The following UTP18 variants were observed in gnomAD, a reference collection of about 807,000 sequenced individuals.
UTP18 encodes the protein U3 small nucleolar RNA-associated protein 18 homolog.
A neutral mutation model predicts 61.1 loss-of-function variants in UTP18; 36 were observed. The ratio of observed to expected loss-of-function variants is 0.59; its 90% confidence interval spans 0.45 to 0.78. The LOEUF is 0.78. UTP18 is among the 30% of genes least tolerant of loss of function. The pLI, the probability that UTP18 is intolerant of heterozygous loss-of-function variation, is 0.00. For missense variants in UTP18, 753 were observed against 693.9 expected, an observed-to-expected ratio of 1.09 and a Z score of -0.96; for synonymous variants, 282 against 251.1, an observed-to-expected ratio of 1.12 and a Z score of -1.16.
In UTP18 at chr17:51,285,375, A is replaced by C; in HGVS notation, c.1328+7A>C. On this transcript the variant is annotated splice_region_variant and intron_variant, in intron 10 of 13. Transcript: ENST00000225298. ...GACAGTATGTTGCTTGTGGGTAAGT[A>C]AAGAGAGGTTCTTGTAACCTTAATC... 1 of 1,612,028 alleles carries C rather than the reference A, an allele frequency of 6.2e-7. No individual in the cohort carries two copies. The highest frequency in any genetic ancestry group is 8.5e-7 in the Non-Finnish European group (1 of 1,178,468).
At chr17:51,263,408 C>G (rs1322942112) in intron 2 of UTP18, 22 bp downstream of exon 2, 1 of 1,553,434 alleles carries the variant, frequency 6.4e-7, no homozygotes, top group Non-Finnish European at 8.9e-7. Flanking sequence ...AACTTTTCTT[C>G]TGAATCCCTC....
intron 7 of UTP18, 103 bp from the exon 8 acceptor site, chr17:51,279,902 C>A: frequency 2.1e-6 from 2 of 934,984 alleles, no homozygotes; most frequent in Non-Finnish European, 1.6e-6. Flanking sequence ...TTAATTTGAG[C>A]CACTTACGTA....
intron 10 of UTP18, 142 bp from the exon 11 acceptor site, chr17:51,287,887 T>TATAGGAG (rs1166100430): frequency 1.9e-6 from 1 of 528,760 alleles, no homozygotes; most frequent in African/African-American, 2.0e-5. Flanking sequence ...ATAGGACATC[T>TATAGGAG]GTGGCTATAG....
chr17:51,286,707 C>G (rs1905126619), intron 10 of UTP18, among the ~76,000 whole-genome samples: 1 of 152,190 alleles, frequency 6.6e-6, no homozygotes, highest in South Asian at 2.1e-4. Context: ...CATCTCAGCA[C>G]AAGCCAAGCA....
intron 3 of UTP18, among the ~76,000 whole-genome samples, chr17:51,267,321 A>G (rs997606222): frequency 6.6e-6 from 1 of 152,200 alleles, no homozygotes; most frequent in African/African-American, 2.4e-5. Context: ...ACATTCTGAC[A>G]TTTTAAGACT....
chr17:51,273,302 T>C, intron 4 of UTP18, 60 bp from the exon 5 acceptor site: 1 of 1,255,184 alleles, frequency 8.0e-7, no homozygotes, highest in South Asian at 1.6e-5. Flanking sequence ...AAGTTTGGGG[T>C]AGGTAAAAGG....
At chr17:51,261,236 A>G (rs984589560) in intron 1 of UTP18, among the ~76,000 whole-genome samples, 2 of 152,170 alleles carry the variant, frequency 1.3e-5, no homozygotes, top group South Asian at 4.1e-4. Flanking sequence ...GCCTCTTCCC[A>G]AACTGAGGGT....
intron 9 of UTP18, among the ~76,000 whole-genome samples, chr17:51,282,463 TGAA>T (rs764319424): frequency 5.8e-5 from 8 of 137,818 alleles, no homozygotes; most frequent in Middle Eastern, 7.1e-3. Context: ...AAGAAGAAAA[TGAA>T]GAGAAAGAGG....
At chr17:51,267,798 A>G (rs1422072774) in intron 3 of UTP18, among the ~76,000 whole-genome samples, 5 of 152,048 alleles carry the variant, frequency 3.3e-5, no homozygotes, top group African/African-American at 7.2e-5. Flanking sequence ...GATGGGGTTC[A>G]TCTTGCTTAT....
In UTP18 at chr17:51,285,261, T is replaced by C. The variant is rs1281719455; in HGVS notation, c.1221T>C (p.Tyr407=). 6.2e-7 allele frequency: 1 copy of C among 1,613,578 alleles called. No homozygotes were observed. Among genetic ancestry groups the C allele is most frequent in the Non-Finnish European group, 8.5e-7 (1 of 1,179,874 alleles). Residue 407 remains tyrosine, a synonymous_variant, in exon 10 of 14, where the codon TAT becomes TAC. Transcript: ENST00000225298. The part of the protein sequence containing the change: ...VYASSGDGEV[Y]VWDVNSRKCL... The stretch of plus-strand genomic sequence containing the variant: ...TTTATGCAGGGGATGGAGAAGTTTA[T>C]GTTTGGGATGTGAACTCAAGGAAGT...
intron 4 of UTP18, among the ~76,000 whole-genome samples, chr17:51,271,899 C>T (rs1904543157): frequency 6.6e-6 from 1 of 151,994 alleles, no homozygotes; most frequent in Admixed American, 6.6e-5. Context: ...AACTCCTGAC[C>T]TCAAGTGATC....
chr17:51,261,614 C>T (rs905578981), intron 1 of UTP18, among the ~76,000 whole-genome samples: 1 of 152,084 alleles, frequency 6.6e-6, no homozygotes, highest in Non-Finnish European at 1.5e-5. Context: ...CCTTTTGGCG[C>T]TTGTGTGCTA....
intron 5 of UTP18, among the ~76,000 whole-genome samples, chr17:51,273,771 A>AAATAAATAAATAAATTAATT (rs1263393227): frequency 6.6e-6 from 1 of 150,418 alleles, no homozygotes; most frequent in African/African-American, 2.5e-5. Context: ...ATAAATAAAT[A>AAATAAATAAATAAATTAATT]AATTTTCCAG....
chr17:51,295,427 GT>G (rs1262814862), intron 12 of UTP18, among the ~76,000 whole-genome samples: 3 of 152,150 alleles, frequency 2.0e-5, no homozygotes, highest in African/African-American at 7.2e-5. Context: ...TGGCTAGCCA[GT>G]TTTCCCAGCA....
intron 9 of UTP18, among the ~76,000 whole-genome samples, chr17:51,284,606 C>T (rs1905045725): frequency 6.6e-6 from 1 of 152,100 alleles, no homozygotes; most frequent in South Asian, 2.1e-4. Flanking sequence ...TGTTTTGCTT[C>T]AGATTTTTGC....
intron 4 of UTP18, among the ~76,000 whole-genome samples, chr17:51,269,135 A>C (rs1278629959): frequency 6.6e-6 from 1 of 151,704 alleles, no homozygotes; most frequent in Non-Finnish European, 1.5e-5. Context: ...AAAAATACAA[A>C]AATTAGCCAG....
At chr17:51,295,099 G>C (rs1042775749) in intron 12 of UTP18, among the ~76,000 whole-genome samples, 4 of 152,018 alleles carry the variant, frequency 2.6e-5, no homozygotes, top group African/African-American at 9.7e-5. Context: ...GTGGATATTA[G>C]CCCTTTGTCA....
At chr17:51,284,523 G>A (rs539621797) in intron 9 of UTP18, among the ~76,000 whole-genome samples, 109 of 152,032 alleles carry the variant, frequency 7.2e-4, no homozygotes, top group African/African-American at 2.5e-3. Context: ...TATCTAAATC[G>A]CTAACCTTGC....
At chr17:51,277,444 T>C (rs1470516975) in intron 7 of UTP18, 140 bp downstream of exon 7, 1 of 990,620 alleles carries the variant, frequency 1.0e-6, no homozygotes, top group Non-Finnish European at 1.4e-6. Flanking sequence ...AAAATGTCTT[T>C]GTGCTTTTGA....
Sources: gnomAD v4.1 joint callset for allele counts (sites outside exome capture counted in the v4.1 genomes callset) on GRCh38, gnomAD v4.1.1 for gene constraint, MANE v1.5 for transcripts, NCBI Gene and HGNC (gene_info 2026-07-23, HGNC 2026-07-21) for gene names.